NXPE2: variants seen among roughly 807,000 people sequenced by gnomAD.
The protein encoded by NXPE2 is neurexophilin and PC-esterase domain family member 2.
In NXPE2, 34 loss-of-function variants were observed where a neutral mutation model predicts 34.4. That is an observed-to-expected ratio of 0.99 (90% CI 0.75 to 1.31). The LOEUF (loss-of-function observed/expected upper bound fraction) is 1.31. Ranked by LOEUF, NXPE2 falls within the 40% of genes most tolerant of loss-of-function variation. NXPE2 has a pLI of 0.00. For missense variants in NXPE2, 649 were observed against 672.5 expected (o/e 0.97, Z 0.39); for synonymous variants, 235 against 231.3 (o/e 1.02, Z -0.15).
the NXPE2 span, among the ~76,000 whole-genome samples, chr11:114,757,262 T>C: frequency 2.0e-5 from 3 of 152,024 alleles, no homozygotes; most frequent in Non-Finnish European, 1.5e-5. Context: ...GAAAAACATC[T>C]CCCTCCAGAG....
the NXPE2 span, among the ~76,000 whole-genome samples, chr11:114,608,262 C>G: frequency 6.6e-6 from 1 of 151,628 alleles, no homozygotes. Flanking sequence ...AAAGTTTTGC[C>G]TTGTGGGTAA....
At chr11:114,540,297 T>C in the NXPE2 span, among the ~76,000 whole-genome samples, 15 of 152,234 alleles carry the variant, frequency 9.9e-5, 1 homozygote, top group Non-Finnish European at 2.1e-4. Context: ...AGTTAAACTT[T>C]GTATATTCAT....
At chr11:114,557,488 A>G in the NXPE2 span, among the ~76,000 whole-genome samples, 10 of 151,486 alleles carry the variant, frequency 6.6e-5, no homozygotes, top group African/African-American at 2.4e-4. Flanking sequence ...ATGGAAAAGA[A>G]ATATGCTGCC....
chr11:114,746,479 A>G, the NXPE2 span, among the ~76,000 whole-genome samples: 1 of 152,240 alleles, frequency 6.6e-6, no homozygotes, highest in Non-Finnish European at 1.5e-5. Context: ...GAGAAAACAT[A>G]AATTCAAAGA....
At chr11:114,600,856 T>G in the NXPE2 span, among the ~76,000 whole-genome samples, 3 of 152,170 alleles carry the variant, frequency 2.0e-5, no homozygotes, top group South Asian at 4.1e-4. Context: ...ATTTTGAAAC[T>G]TTTCTATAAT....
chr11:114,665,791 C>T, the NXPE2 span, among the ~76,000 whole-genome samples: 3 of 152,130 alleles, frequency 2.0e-5, no homozygotes, highest in African/African-American at 7.2e-5. Context: ...TAAAGTTTCT[C>T]CTTGGAACTT....
At chr11:114,499,642 A>T in the NXPE2 span, among the ~76,000 whole-genome samples, 1 of 152,170 alleles carries the variant, frequency 6.6e-6, no homozygotes, top group Non-Finnish European at 1.5e-5. Flanking sequence ...ATTTATACAG[A>T]GTGAAATGCA....
At chr11:114,602,358 T>C in the NXPE2 span, among the ~76,000 whole-genome samples, 1 of 126,968 alleles carries the variant, frequency 7.9e-6, no homozygotes, top group Non-Finnish European at 1.6e-5. Context: ...ATACTATATA[T>C]AATATGTTAT....
chr11:114,582,310 G>C, the NXPE2 span: 1 of 1,581,698 alleles, frequency 6.3e-7, no homozygotes, highest in East Asian at 2.2e-5. Flanking sequence ...CTCTTTTCTT[G>C]TTTGCTAAGA....
chr11:114,715,170 AGAAGT>A, the NXPE2 span, among the ~76,000 whole-genome samples: 1 of 152,192 alleles, frequency 6.6e-6, no homozygotes, highest in African/African-American at 2.4e-5. Flanking sequence ...TTTTATTGCT[AGAAGT>A]GAAGGAAAGA....
At chr11:114,637,028 CTG>C in the NXPE2 span, among the ~76,000 whole-genome samples, 11 of 152,068 alleles carry the variant, frequency 7.2e-5, no homozygotes, top group Non-Finnish European at 7.4e-5. Flanking sequence ...TGTTGACTTT[CTG>C]TCTCATTGAT....
At chr11:114,636,404 A>C in the NXPE2 span, among the ~76,000 whole-genome samples, 8 of 152,086 alleles carry the variant, frequency 5.3e-5, no homozygotes, top group East Asian at 1.3e-3. Flanking sequence ...TGATCCTTTC[A>C]AAAAACCAGC....
the NXPE2 span, chr11:114,517,813 T>C: frequency 5.3e-5 from 8 of 152,144 alleles, no homozygotes; most frequent in African/African-American, 1.7e-4. Flanking sequence ...ACACAGACCA[T>C]TTAGGGGCCT....
chr11:114,507,446 A>G, the NXPE2 span, among the ~76,000 whole-genome samples: 1 of 152,012 alleles, frequency 6.6e-6, no homozygotes, highest in East Asian at 1.9e-4. Flanking sequence ...TAAAAAAATA[A>G]GACTTCAGGC....
chr11:114,499,912 TTTGAGG>T, the NXPE2 span, among the ~76,000 whole-genome samples: 3 of 152,148 alleles, frequency 2.0e-5, no homozygotes, highest in Non-Finnish European at 2.9e-5. Context: ...GCAAAGTGAT[TTTGAGG>T]TTAATCCATT....
rs1431499755 is a variant in NXPE2, at chr11:114,679,726, C to A, written c.96C>A (p.Phe32Leu). 1 of 1,550,210 alleles carries A rather than the reference C, an allele frequency of 6.5e-7. No homozygotes were observed. The highest frequency in any genetic ancestry group is 1.2e-5 in the South Asian group (1 of 83,894). Reference protein sequence around the residue: ...LLLMLTFILIFWIIYLASKDH... With the variant: ...LLLMLTFILILWIIYLASKDH... ...TGATGTTGACATTTATCTTAATTTTCTGGATCATTTACTTGGCTTCAAAAG... is the reference window on the plus strand; with the variant it reads ...TGATGTTGACATTTATCTTAATTTTATGGATCATTTACTTGGCTTCAAAAG... Residue 32 changes from phenylalanine (F) to leucine (L), a missense_variant, in exon 2 of 6, where the codon TTC becomes TTA. Phe to Leu is a conservative substitution (Grantham distance 22). Coordinates refer to ENST00000389586, the MANE Select transcript of NXPE2 (RefSeq NM_182495.6).
At chr11:114,736,452 A>G in the NXPE2 span, among the ~76,000 whole-genome samples, 1 of 152,208 alleles carries the variant, frequency 6.6e-6, no homozygotes, top group South Asian at 2.1e-4. Flanking sequence ...TTGCTTTTGA[A>G]AGAAGAGAAA....
the NXPE2 span, among the ~76,000 whole-genome samples, chr11:114,805,726 C>A: frequency 1.3e-5 from 2 of 152,200 alleles, no homozygotes; most frequent in African/African-American, 2.4e-5. Flanking sequence ...CCCACCACAG[C>A]TCAAGGAGGC....
chr11:114,518,245 C>A, the NXPE2 span: 4 of 152,224 alleles, frequency 2.6e-5, no homozygotes, highest in Non-Finnish European at 4.4e-5. Context: ...CCTTGCCTCT[C>A]CGAGATCTGC....
Sources: gnomAD v4.1 joint callset for allele counts (sites outside exome capture counted in the v4.1 genomes callset) on GRCh38, gnomAD v4.1.1 for gene constraint, MANE v1.5 for transcripts, NCBI Gene and HGNC (gene_info 2026-07-23, HGNC 2026-07-21) for gene names.